ECPAS: variants seen among roughly 807,000 people sequenced by gnomAD.
ECPAS encodes the protein Ecm29 proteasome adaptor and scaffold.
Under a neutral mutation model 255.1 loss-of-function variants are expected in ECPAS, and 70 were observed. The observed-to-expected ratio is 0.27, with a 90% confidence interval of 0.23 to 0.33. The LOEUF (loss-of-function observed/expected upper bound fraction) is 0.33. Among genes scored for constraint, ECPAS ranks in the 10% least tolerant of loss-of-function variants. ECPAS has a pLI of 1.00. For synonymous variants in ECPAS, 784 were observed against 775.0 expected (o/e 1.01, Z -0.19); for missense variants, 1,817 against 2,206.4 (o/e 0.82, Z 3.54).
At chr9:111,461,498 A>G (rs1369440573) in intron 2 of ECPAS, among the ~76,000 whole-genome samples, 1 of 152,106 alleles carries the variant, frequency 6.6e-6, no homozygotes, top group African/African-American at 2.4e-5. Context: ...AAACTACAGT[A>G]ATTAAAAGTA....
At position 111,484,320 on chromosome 9, in the gene ECPAS, G is replaced by A. The variant is rs2132161693; in HGVS notation, c.-287C>T. 3 of 1,594,182 alleles carry A rather than the reference G, an allele frequency of 1.9e-6. No individual in the cohort carries two copies. The highest frequency in any genetic ancestry group is 2.6e-6 in the Non-Finnish European group (3 of 1,171,892). On this transcript the variant is annotated 5_prime_UTR_variant, in exon 1 of 50. Transcript: ENST00000684092. ...GGAGCGCCCTTTTCCGAGGTCTGCG[G>A]CTGTCACGTTGGCTGGGCCCGACCT...
chr9:111,389,054 T>C lies in ECPAS; in HGVS notation c.3447+502A>G, dbSNP rs189043270. Among the ~76,000 whole-genome samples the C allele has an allele frequency of 1.9e-3, 295 of 152,340 alleles. 4 individuals are homozygous for C. The highest frequency in any genetic ancestry group is 6.1e-3 in the African/African-American group (255 of 41,562). On this transcript the variant is annotated intron_variant, in intron 31 of 49. Transcript: ENST00000684092. Reference sequence around the variant, plus strand: ...TGACATTTACATGCCTTGGAACTGATTGATATAGAGAAGGCTCAGAGAGCA... The same window carrying C: ...TGACATTTACATGCCTTGGAACTGACTGATATAGAGAAGGCTCAGAGAGCA...
intron 19 of ECPAS, among the ~76,000 whole-genome samples, 172 bp downstream of exon 19, chr9:111,414,257 G>A (rs569005695): frequency 3.0e-4 from 46 of 152,140 alleles, no homozygotes; most frequent in African/African-American, 1.1e-3. Flanking sequence ...ATTTCTTTCC[G>A]AAAAAAGAAG....
At chr9:111,402,657 A>T (rs889949445) in intron 24 of ECPAS, among the ~76,000 whole-genome samples, 3 of 152,200 alleles carry the variant, frequency 2.0e-5, no homozygotes, top group Non-Finnish European at 4.4e-5. Context: ...AAGTTGAGAA[A>T]ACAAAGAGCC....
At chr9:111,478,463 G>T (rs997190605) in intron 1 of ECPAS, among the ~76,000 whole-genome samples, 1 of 151,954 alleles carries the variant, frequency 6.6e-6, no homozygotes, top group Non-Finnish European at 1.5e-5. Flanking sequence ...GAAGGCAGAG[G>T]TTGCAGTGAT....
chr9:111,456,097 T>C (rs2098266615), intron 2 of ECPAS, among the ~76,000 whole-genome samples: 1 of 152,216 alleles, frequency 6.6e-6, no homozygotes, highest in South Asian at 2.1e-4. Flanking sequence ...TGGAGGGATG[T>C]AGGAAACAAG....
chr9:111,377,185 G>A (rs1188788587), intron 36 of ECPAS, among the ~76,000 whole-genome samples: 1 of 152,118 alleles, frequency 6.6e-6, no homozygotes, highest in Non-Finnish European at 1.5e-5. Flanking sequence ...CAATATTAGA[G>A]GCAAAGGGTA....
intron 24 of ECPAS, among the ~76,000 whole-genome samples, chr9:111,402,298 A>G (rs2098177385): frequency 6.6e-6 from 1 of 152,204 alleles, no homozygotes; most frequent in Admixed American, 6.5e-5. Flanking sequence ...TTCCTGGGTA[A>G]ACAAAAGATG....
At chr9:111,371,488 C>G (rs1179615707) in intron 43 of ECPAS, 133 bp downstream of exon 43, 1 of 853,560 alleles carries the variant, frequency 1.2e-6, no homozygotes. Context: ...TTACCCAAAG[C>G]TTCCACTGTC....
In ECPAS at chr9:111,434,896, C is replaced by CTTTTTT. The variant is rs3031129; in HGVS notation, c.709-1530_709-1525dup. On this transcript the variant is annotated intron_variant, in intron 7 of 49. Coordinates refer to ENST00000684092, the MANE Select transcript of ECPAS (RefSeq NM_001364929.1). ...TACAGGCATGAGCCACCACATCTGG[C>CTTTTTT]TTTTTTTTTTTTTTTTTTTTTACAC... Among the ~76,000 whole-genome samples, 54 of 92,144 alleles carry CTTTTTT rather than the reference C, an allele frequency of 5.9e-4. 2 individuals carry two copies. Among genetic ancestry groups the CTTTTTT allele is most frequent in the South Asian group, 7.5e-4 (2 of 2,676 alleles). 60.5% of individuals were successfully genotyped at this position (92,144 alleles called of 152,430 possible). A position where few individuals can be genotyped will look rare whatever the true frequency, so the allele number is the denominator to read the frequency against.
At chr9:111,409,363 C>T (rs2098190362) in intron 23 of ECPAS, among the ~76,000 whole-genome samples, 1 of 152,038 alleles carries the variant, frequency 6.6e-6, no homozygotes, top group Non-Finnish European at 1.5e-5. Flanking sequence ...AGTTCGAGAC[C>T]AGCCTGGCCA....
intron 24 of ECPAS, among the ~76,000 whole-genome samples, chr9:111,401,508 C>T (rs755000378): frequency 8.5e-5 from 13 of 152,234 alleles, no homozygotes; most frequent in Non-Finnish European, 1.5e-4. Flanking sequence ...CCGCTGTGCA[C>T]ACATTGTCTT....
At position 111,389,540 on chromosome 9, in the gene ECPAS, G is replaced by GT. The variant is rs1564511285; in HGVS notation, c.3447+15dup. 6.2e-7 allele frequency: 1 copy of GT among 1,608,346 alleles called. No homozygotes were observed. Among genetic ancestry groups the GT allele is most frequent in the African/African-American group, 1.3e-5 (1 of 74,914 alleles). On this transcript the variant is annotated intron_variant, in intron 31 of 49. Coordinates refer to ENST00000684092, the MANE Select transcript of ECPAS (RefSeq NM_001364929.1). ...TCTACAGTGTTTTCCTAACACAGGG[G>GT]TTCACAGACACTTACCATGGATTTG...
intron 34 of ECPAS, among the ~76,000 whole-genome samples, chr9:111,383,579 A>C (rs1342457003): frequency 6.6e-6 from 1 of 152,222 alleles, no homozygotes; most frequent in Non-Finnish European, 1.5e-5. Context: ...GAAATACAGA[A>C]CAAAACAGAT....
At chr9:111,402,642 G>C (rs2098177911) in intron 24 of ECPAS, among the ~76,000 whole-genome samples, 1 of 152,054 alleles carries the variant, frequency 6.6e-6, no homozygotes, top group Non-Finnish European at 1.5e-5. Flanking sequence ...AATATAAAAA[G>C]ATACAAGTTG....
At chr9:111,379,049 T>C (rs1412810798) in intron 35 of ECPAS, among the ~76,000 whole-genome samples, 1 of 152,204 alleles carries the variant, frequency 6.6e-6, no homozygotes, top group Non-Finnish European at 1.5e-5. Context: ...GGCATGAAAT[T>C]CCATGTATTC....
At chr9:111,415,202 A>G (rs984895406) in intron 18 of ECPAS, among the ~76,000 whole-genome samples, 4 of 151,742 alleles carry the variant, frequency 2.6e-5, no homozygotes, top group African/African-American at 9.7e-5. Context: ...TAAAAATTAT[A>G]ATAAAAATCA....
intron 48 of ECPAS, among the ~76,000 whole-genome samples, chr9:111,364,275 T>C (rs1197969682): frequency 6.6e-6 from 1 of 152,184 alleles, no homozygotes; most frequent in Non-Finnish European, 1.5e-5. Context: ...CCTTATCATC[T>C]TGTTATGCTA....
intron 46 of ECPAS, 29 bp downstream of exon 46, chr9:111,369,006 G>A: frequency 6.6e-7 from 1 of 1,519,916 alleles, no homozygotes. Flanking sequence ...TCTGGTTACA[G>A]CACTTCAAAT....
Sources: gnomAD v4.1 joint callset for allele counts (sites outside exome capture counted in the v4.1 genomes callset) on GRCh38, gnomAD v4.1.1 for gene constraint, MANE v1.5 for transcripts, NCBI Gene and HGNC (gene_info 2026-07-23, HGNC 2026-07-21) for gene names.